The following PKIG variants were observed in gnomAD, a reference collection of about 807,000 sequenced individuals.
PKIG encodes protein kinase (cAMP-dependent, catalytic) inhibitor gamma.
A neutral mutation model predicts 6.8 loss-of-function variants in PKIG; 1 was observed. The observed-to-expected ratio is 0.15, with a 90% CI of 0.05 to 0.69. The LOEUF (loss-of-function observed/expected upper bound fraction) is 0.69. PKIG is among the 30% of genes least tolerant of loss of function. The pLI, the probability that PKIG is intolerant of heterozygous loss-of-function variation, is 0.82. For synonymous variants in PKIG, 39 were observed against 43.0 expected (o/e 0.91, Z 0.36); for missense variants, 77 against 104.0 (o/e 0.74, Z 1.13).
At chr20:44,607,445 C>T (rs1247401294) in intron 2 of PKIG, among the ~76,000 whole-genome samples, 2 of 146,760 alleles carry the variant, frequency 1.4e-5, no homozygotes, top group Non-Finnish European at 3.0e-5. Context: ...GGCGCAATCC[C>T]GGCTCACTGC....
At chr20:44,610,614 A>G (rs934509851) in intron 2 of PKIG, among the ~76,000 whole-genome samples, 2 of 152,158 alleles carry the variant, frequency 1.3e-5, no homozygotes, top group Non-Finnish European at 2.9e-5. Flanking sequence ...AGCATTGCAC[A>G]ATAATTTGGG....
In PKIG at chr20:44,555,906, T is replaced by C. The variant is rs1204174210; in HGVS notation, c.-241+23928T>C. On this transcript the variant is annotated intron_variant, in intron 1 of 4. Coordinates refer to the PKIG transcript ENST00000372887. ...AGGCTGGAATAGTGCAATGGCGTGA[T>C]CTCTGCTCACGGCAACTTCTGCCTC... Among the ~76,000 whole-genome samples the C allele has an allele frequency of 5.9e-5, 9 of 152,338 alleles. 1 individual carries two copies. The South Asian group carries it at 1.9e-3, about 32-fold the overall frequency.
chr20:44,540,478 T>G (rs1478329931), intron 1 of PKIG, among the ~76,000 whole-genome samples: 1 of 152,160 alleles, frequency 6.6e-6, no homozygotes, highest in African/African-American at 2.4e-5. Context: ...ATGACCAAAT[T>G]AATCCCCTGG....
At chr20:44,549,512 T>C (rs1291077578) in intron 1 of PKIG, among the ~76,000 whole-genome samples, 2 of 152,208 alleles carry the variant, frequency 1.3e-5, no homozygotes, top group Non-Finnish European at 1.5e-5. Flanking sequence ...TACTAGAAGA[T>C]GTGTTACTTC....
intron 2 of PKIG, among the ~76,000 whole-genome samples, chr20:44,593,603 G>T (rs1201037520): frequency 1.3e-5 from 2 of 152,122 alleles, no homozygotes; most frequent in Non-Finnish European, 2.9e-5. Flanking sequence ...GAGTAGAAGG[G>T]TTGTTGGGGA....
rs186618819 is a variant in PKIG, at chr20:44,567,632, C to T, written c.-240-14953C>T. Among the ~76,000 whole-genome samples, 303 of 152,286 alleles carry T rather than the reference C, an allele frequency of 2.0e-3. 1 individual carries two copies. Among genetic ancestry groups the T allele is most frequent in the African/African-American group, 6.9e-3 (288 of 41,566 alleles). On this transcript the variant is annotated intron_variant, in intron 1 of 4. Coordinates refer to the PKIG transcript ENST00000372887. Reference sequence around the variant, plus strand: ...CTTCCCACTTTCAGTGTACCTTCAACGGCTTTTCTAGCTACTCCTCATTGA... The same window carrying T: ...CTTCCCACTTTCAGTGTACCTTCAATGGCTTTTCTAGCTACTCCTCATTGA...
intron 2 of PKIG, among the ~76,000 whole-genome samples, chr20:44,612,598 T>G (rs2065229389): frequency 6.6e-6 from 1 of 152,220 alleles, no homozygotes; most frequent in Non-Finnish European, 1.5e-5. Flanking sequence ...GTAGCAGTAC[T>G]TCTTGTTGCC....
intron 3 of PKIG, among the ~76,000 whole-genome samples, chr20:44,617,602 C>G (rs2065277683): frequency 6.6e-6 from 1 of 152,060 alleles, no homozygotes; most frequent in African/African-American, 2.4e-5. Context: ...CTGCTGCTGC[C>G]CCTCACCCCA....
upstream of PKIG, among the ~76,000 whole-genome samples, chr20:44,581,111 T>G (rs533938716): frequency 3.3e-5 from 5 of 152,074 alleles, no homozygotes; most frequent in African/African-American, 7.2e-5. Context: ...TAGTTAGGAG[T>G]TGAGGCTTCA....
chr20:44,609,414 C>T (rs954071092), intron 2 of PKIG, among the ~76,000 whole-genome samples: 1 of 152,196 alleles, frequency 6.6e-6, no homozygotes, highest in African/African-American at 2.4e-5. Context: ...GACAAGAACA[C>T]CTGCACAGCA....
chr20:44,586,825 G>A (rs144908546), intron 1 of PKIG, among the ~76,000 whole-genome samples: 1,746 of 152,284 alleles, frequency 0.011, 32 homozygotes, highest in African/African-American at 0.041. Context: ...GGAAGTTGCC[G>A]TGGGCTCCTA....
intron 1 of PKIG, among the ~76,000 whole-genome samples, chr20:44,555,009 ATCATT>A (rs1416938917): frequency 2.8e-4 from 42 of 152,334 alleles, no homozygotes; most frequent in African/African-American, 1.0e-3. Context: ...GAAGCTTAAT[ATCATT>A]TAAGTGTCCT....
intron 1 of PKIG, among the ~76,000 whole-genome samples, chr20:44,539,378 A>T (rs1371305329): frequency 1.3e-5 from 2 of 151,532 alleles, no homozygotes; most frequent in Non-Finnish European, 2.9e-5. Context: ...AGCCCAGGAC[A>T]GCTTTGAATG....
chr20:44,554,051 G>C (rs1045758312), intron 1 of PKIG, among the ~76,000 whole-genome samples: 3 of 151,830 alleles, frequency 2.0e-5, no homozygotes, highest in African/African-American at 7.3e-5. Context: ...GAGCATTGTA[G>C]ACCAGTTTAT....
At position 44,614,323 on chromosome 20, in the gene PKIG, T is replaced by C. The variant is rs1257158559; in HGVS notation, c.-23-211T>C. The C allele has an allele frequency of 2.1e-6, 1 of 477,782 alleles. No homozygotes were observed. The highest frequency in any genetic ancestry group is 3.7e-5 in the Admixed American group (1 of 27,058). 29.6% of individuals were successfully genotyped at this position (477,782 alleles called of 1,614,324 possible). A position where few individuals can be genotyped will look rare whatever the true frequency, so the allele number is the denominator to read the frequency against. On this transcript the variant is annotated intron_variant, in intron 2 of 3. Coordinates refer to ENST00000372886, the MANE Select transcript of PKIG (RefSeq NM_001281445.2). The surrounding 1 kb of genome is among the most constrained non-coding windows in gnomAD (Gnocchi z 4.6). The stretch of plus-strand genomic sequence containing the variant: ...TTATTTAAAGAAAAGTCTGAGCCCA[T>C]GTTCTTTAAAATGTTGATGGTGGTT...
intron 2 of PKIG, among the ~76,000 whole-genome samples, chr20:44,593,364 AACACACACACACACACACACAC>A (rs55947972): frequency 2.3e-3 from 308 of 132,542 alleles, no homozygotes; most frequent in South Asian, 9.8e-3. Context: ...TATAATAATC[AACACACACACACACACACACAC>A]ACACACACAC....
intron 1 of PKIG, among the ~76,000 whole-genome samples, chr20:44,565,858 G>C (rs1291897605): frequency 6.6e-6 from 1 of 152,152 alleles, no homozygotes; most frequent in Non-Finnish European, 1.5e-5. Context: ...CGCCTCCCGG[G>C]TTCAAGCAAT....
upstream of PKIG, among the ~76,000 whole-genome samples, chr20:44,580,872 T>C (rs2064942133): frequency 6.6e-6 from 1 of 152,208 alleles, no homozygotes; most frequent in Non-Finnish European, 1.5e-5. Context: ...GCTCCGGTCC[T>C]ACCTTCCCAT....
intron 3 of PKIG, among the ~76,000 whole-genome samples, chr20:44,616,267 A>G (rs1355795443): frequency 1.3e-5 from 2 of 152,216 alleles, no homozygotes; most frequent in East Asian, 3.9e-4. Flanking sequence ...TGCTGCCTCC[A>G]TGAGCCCACT....
Sources: gnomAD v4.1 joint callset for allele counts (sites outside exome capture counted in the v4.1 genomes callset) on GRCh38, gnomAD v4.1.1 for gene constraint, Gnocchi (gnomAD v3.1) non-coding constraint, MANE v1.5 for transcripts, NCBI Gene and HGNC (gene_info 2026-07-23, HGNC 2026-07-21) for gene names.